The following GUCA1C variants were observed in gnomAD, a reference collection of about 807,000 sequenced individuals.
GUCA1C encodes the protein guanylate cyclase activator 1C.
GUCA1C carries 15 observed loss-of-function variants against 16.2 expected under a neutral mutation model. That is an observed-to-expected ratio of 0.93 (90% CI 0.62 to 1.43). The LOEUF is 1.43. GUCA1C is among the 40% of genes most tolerant of loss of function. The pLI is 0.00. For missense variants in GUCA1C, 275 were observed against 244.8 expected (o/e 1.12, Z -0.82); for synonymous variants, 78 against 85.4 (o/e 0.91, Z 0.48).
chr3:108,946,309 T>A (rs1390121814), intron 1 of GUCA1C, among the ~76,000 whole-genome samples: 1 of 151,236 alleles, frequency 6.6e-6, no homozygotes, highest in African/African-American at 2.5e-5. Context: ...TTTGTGCGTT[T>A]TTTTTAGAGA....
At chr3:108,935,419 G>A (rs559865344) in intron 1 of GUCA1C, among the ~76,000 whole-genome samples, 27 of 152,108 alleles carry the variant, frequency 1.8e-4, no homozygotes, top group Non-Finnish European at 3.4e-4. Context: ...GGCCGGGTGC[G>A]GTGGCTCATG....
intron 1 of GUCA1C, among the ~76,000 whole-genome samples, chr3:108,921,387 T>C (rs982984354): frequency 1.3e-5 from 2 of 152,214 alleles, no homozygotes; most frequent in African/African-American, 4.8e-5. Context: ...TTGGCAATTA[T>C]AAATAAAGTT....
intron 3 of GUCA1C, among the ~76,000 whole-genome samples, chr3:108,914,788 A>G (rs1270707023): frequency 6.6e-6 from 1 of 152,230 alleles, no homozygotes; most frequent in Non-Finnish European, 1.5e-5. Flanking sequence ...TCAGTGGCAT[A>G]TTCCAAATAA....
intron 1 of GUCA1C, among the ~76,000 whole-genome samples, chr3:108,922,160 A>AACACACAC (rs56788372): frequency 1.9e-4 from 10 of 52,120 alleles, no homozygotes; most frequent in African/African-American, 5.0e-4. Context: ...CACATACACA[A>AACACACAC]ACACACACAC....
chr3:108,936,222 A>G (rs1159493020), intron 1 of GUCA1C, among the ~76,000 whole-genome samples: 1 of 152,190 alleles, frequency 6.6e-6, no homozygotes, highest in Non-Finnish European at 1.5e-5. Context: ...TGATCTCAAC[A>G]CTGCACTCCA....
At chr3:108,950,548 AC>A (rs1309093330) in intron 1 of GUCA1C, among the ~76,000 whole-genome samples, 1 of 152,166 alleles carries the variant, frequency 6.6e-6, no homozygotes, top group Admixed American at 6.5e-5. Context: ...CACATCCTTG[AC>A]ACTCAGAAAG....
chr3:108,910,719 G>A (rs1013209257), intron 3 of GUCA1C, among the ~76,000 whole-genome samples: 1 of 150,576 alleles, frequency 6.6e-6, no homozygotes, highest in Non-Finnish European at 1.5e-5. Flanking sequence ...GGGCTATCTC[G>A]GCTGACTGCA....
chr3:108,948,003 G>A (rs991963358), intron 1 of GUCA1C, among the ~76,000 whole-genome samples: 11 of 152,062 alleles, frequency 7.2e-5, no homozygotes, highest in Non-Finnish European at 1.2e-4. Flanking sequence ...CTTCTCAAAC[G>A]GGATTAGCAG....
chr3:108,921,557 A>G (rs1946569271), intron 1 of GUCA1C, among the ~76,000 whole-genome samples: 1 of 152,168 alleles, frequency 6.6e-6, no homozygotes, highest in Admixed American at 6.5e-5. Flanking sequence ...TTCTACCAGC[A>G]CTGAATGAGA....
intron 1 of GUCA1C, among the ~76,000 whole-genome samples, chr3:108,952,746 A>G (rs2107323224): frequency 6.6e-6 from 1 of 151,324 alleles, no homozygotes; most frequent in East Asian, 2.0e-4. Flanking sequence ...GTTCCTTTTT[A>G]TTCTAGTCAA....
At chr3:108,925,045 G>T (rs1400149721) in intron 1 of GUCA1C, among the ~76,000 whole-genome samples, 2 of 150,846 alleles carry the variant, frequency 1.3e-5, no homozygotes, top group African/African-American at 2.4e-5. Context: ...TCTAGTTAAT[G>T]GCCTGTCAAT....
At chr3:108,918,584 T>TC (rs1425154108) in intron 2 of GUCA1C, among the ~76,000 whole-genome samples, 2 of 152,128 alleles carry the variant, frequency 1.3e-5, no homozygotes, top group Admixed American at 1.3e-4. Context: ...TAAACAAATG[T>TC]CCCTCAAAAA....
intron 1 of GUCA1C, among the ~76,000 whole-genome samples, chr3:108,936,386 C>T (rs1212986641): frequency 6.6e-6 from 1 of 152,040 alleles, no homozygotes; most frequent in South Asian, 2.1e-4. Flanking sequence ...CTGTGTTAGT[C>T]ACTTTCAATG....
intron 3 of GUCA1C, 89 bp from the exon 4 acceptor site, chr3:108,908,298 C>T (rs1946411911): frequency 6.9e-6 from 4 of 576,296 alleles, no homozygotes; most frequent in South Asian, 3.4e-5. Flanking sequence ...TATTGATATT[C>T]TTTTGATATC....
intron 1 of GUCA1C, among the ~76,000 whole-genome samples, chr3:108,947,396 G>T (rs1946853363): frequency 6.6e-6 from 1 of 152,150 alleles, no homozygotes; most frequent in African/African-American, 2.4e-5. Context: ...AGGGGTGGCA[G>T]AGAAGGAAGA....
At chr3:108,940,856 A>T (rs1374542845) in intron 1 of GUCA1C, among the ~76,000 whole-genome samples, 1 of 152,222 alleles carries the variant, frequency 6.6e-6, no homozygotes, top group East Asian at 1.9e-4. Flanking sequence ...ACGATAATGC[A>T]GGCAGCATAG....
chr3:108,925,435 G>C (rs1279210887), intron 1 of GUCA1C, among the ~76,000 whole-genome samples: 1 of 152,120 alleles, frequency 6.6e-6, no homozygotes, highest in Non-Finnish European at 1.5e-5. Context: ...ATGGTTTTGA[G>C]GGTTCCTTTT....
chr3:108,917,593 G>C (rs968451317), intron 2 of GUCA1C, among the ~76,000 whole-genome samples: 10 of 152,108 alleles, frequency 6.6e-5, no homozygotes, highest in African/African-American at 9.7e-5. Context: ...GGACGCAGGA[G>C]AGAAAGGGAA....
At chr3:108,910,894 C>G (rs566979265) in intron 3 of GUCA1C, among the ~76,000 whole-genome samples, 6 of 152,250 alleles carry the variant, frequency 3.9e-5, no homozygotes, top group Admixed American at 3.9e-4. Flanking sequence ...TCGTGATCCA[C>G]CCACCTCGGC....
Sources: gnomAD v4.1 joint callset for allele counts (sites outside exome capture counted in the v4.1 genomes callset) on GRCh38, gnomAD v4.1.1 for gene constraint, MANE v1.5 for transcripts, NCBI Gene and HGNC (gene_info 2026-07-23, HGNC 2026-07-21) for gene names.